The following PLEKHH2 variants were observed in gnomAD, a reference collection of about 807,000 sequenced individuals.
PLEKHH2 encodes pleckstrin homology domain-containing family H member 2.
A neutral mutation model predicts 187.9 loss-of-function variants in PLEKHH2; 129 were observed. That is an observed-to-expected ratio of 0.69 (90% CI 0.59 to 0.79). PLEKHH2 has a LOEUF of 0.79. PLEKHH2 is among the 30% of genes least tolerant of loss of function. PLEKHH2 has a pLI of 0.00. For missense variants in PLEKHH2, 2,076 were observed against 1,751.2 expected, an observed-to-expected ratio of 1.19 and a Z score of -3.31; for synonymous variants, 686 against 605.6, an observed-to-expected ratio of 1.13 and a Z score of -1.95.
intron 28 of PLEKHH2, 87 bp from the exon 29 acceptor site, chr2:43,764,141 T>C: frequency 1.2e-6 from 1 of 804,308 alleles, no homozygotes. Flanking sequence ...AATATCTGCC[T>C]TTTAATGGAG....
At chr2:43,750,297 C>A (rs1305630088) in intron 24 of PLEKHH2, among the ~76,000 whole-genome samples, 5 of 152,186 alleles carry the variant, frequency 3.3e-5, no homozygotes, top group Non-Finnish European at 7.3e-5. Flanking sequence ...CATGGTGAAA[C>A]CCCGTCTCTA....
intron 16 of PLEKHH2, among the ~76,000 whole-genome samples, chr2:43,723,623 G>T (rs111521842): frequency 3.9e-5 from 6 of 152,204 alleles, no homozygotes; most frequent in African/African-American, 1.4e-4. Flanking sequence ...GTTCCCTCCT[G>T]CCTTTGGGAA....
rs1669264290 is a variant in PLEKHH2, at chr2:43,699,805, G to C, written c.847G>C (p.Val283Leu). The part of the protein sequence containing the change: ...GGISQNSGAP[V>L]SDWSSDEEDG... Reference sequence around the variant, plus strand: ...CATCTCCCAGAATTCTGGGGCTCCTGTGAGTGACTGGAGCTCTGATGAGGA... The same window carrying C: ...CATCTCCCAGAATTCTGGGGCTCCTCTGAGTGACTGGAGCTCTGATGAGGA... Residue 283 changes from valine to leucine, a missense_variant, in exon 8 of 30, where the codon GTG (valine) becomes CTG (leucine). Physicochemically the swap from Val to Leu is conservative, Grantham distance 32. Transcript: ENST00000282406. The C allele has an allele frequency of 6.2e-7, 1 of 1,611,486 alleles. No homozygotes were observed. Among genetic ancestry groups the C allele is most frequent in the Non-Finnish European group, 8.5e-7 (1 of 1,177,766 alleles).
At chr2:43,680,825 G>A in intron 3 of PLEKHH2, 1 of 447,978 alleles carries the variant, frequency 2.2e-6, no homozygotes, top group Admixed American at 3.2e-5. Context: ...TTTCTTGATT[G>A]TATTTGCTTG....
At chr2:43,721,292 G>T (rs999936137) in intron 16 of PLEKHH2, among the ~76,000 whole-genome samples, 1 of 152,084 alleles carries the variant, frequency 6.6e-6, no homozygotes, top group South Asian at 2.1e-4. Context: ...CGCATGCCCA[G>T]TCATCATTAT....
chr2:43,715,377 G>C (rs941922525), intron 15 of PLEKHH2, among the ~76,000 whole-genome samples: 4 of 152,204 alleles, frequency 2.6e-5, no homozygotes, highest in Non-Finnish European at 5.9e-5. Context: ...ATGGTGGAAA[G>C]CTATTTTTGT....
chr2:43,682,582 G>A (rs1384259708), intron 3 of PLEKHH2, among the ~76,000 whole-genome samples: 1 of 152,156 alleles, frequency 6.6e-6, no homozygotes, highest in Admixed American at 6.5e-5. Flanking sequence ...TGGGATTACA[G>A]GCATGAGCCA....
intron 23 of PLEKHH2, among the ~76,000 whole-genome samples, chr2:43,745,462 C>G (rs1042919170): frequency 6.6e-6 from 1 of 152,176 alleles, no homozygotes; most frequent in African/African-American, 2.4e-5. Context: ...GGTCTAGACT[C>G]TTTCCATAAA....
intron 2 of PLEKHH2, chr2:43,675,784 G>A: frequency 6.2e-7 from 1 of 1,613,668 alleles, no homozygotes; most frequent in Non-Finnish European, 8.5e-7. Context: ...TCCTTCCACA[G>A]TCACGTATTC....
intron 8 of PLEKHH2, 137 bp downstream of exon 8, chr2:43,700,745 C>G (rs188092162): frequency 1.8e-6 from 2 of 1,139,196 alleles, no homozygotes; most frequent in Non-Finnish European, 2.5e-6. Context: ...CTCCATCTCC[C>G]GGGTTCAAGT....
intron 10 of PLEKHH2, among the ~76,000 whole-genome samples, chr2:43,706,819 G>A (rs528110407): frequency 6.7e-4 from 102 of 152,176 alleles, no homozygotes; most frequent in African/African-American, 2.3e-3. Context: ...ATATTTTCAG[G>A]CATCTTTTAT....
At chr2:43,717,373 G>C (rs1055596274) in intron 15 of PLEKHH2, among the ~76,000 whole-genome samples, 5 of 152,154 alleles carry the variant, frequency 3.3e-5, no homozygotes. Context: ...AGCCAAGATT[G>C]TGCCACTGTG....
intron 2 of PLEKHH2, among the ~76,000 whole-genome samples, chr2:43,655,931 C>T (rs544369330): frequency 1.3e-5 from 2 of 151,764 alleles, no homozygotes; most frequent in Admixed American, 6.6e-5. Context: ...ATTAATACTT[C>T]ATCATCTATT....
intron 1 of PLEKHH2, among the ~76,000 whole-genome samples, chr2:43,641,879 G>T (rs1223145850): frequency 1.3e-5 from 2 of 152,190 alleles, no homozygotes; most frequent in African/African-American, 4.8e-5. Flanking sequence ...GTGTAATCAA[G>T]CTACTGTATA....
chr2:43,674,062 G>A (rs1667611328), intron 2 of PLEKHH2, among the ~76,000 whole-genome samples: 1 of 152,140 alleles, frequency 6.6e-6, no homozygotes, highest in Non-Finnish European at 1.5e-5. Context: ...ATGACAGAGA[G>A]CTTTGTCATT....
chr2:43,696,456 C>T (rs1669094889), intron 6 of PLEKHH2, among the ~76,000 whole-genome samples: 1 of 149,562 alleles, frequency 6.7e-6, no homozygotes. Context: ...CCACTGTACT[C>T]CAGCCTGGGC....
At position 43,746,909 on chromosome 2, in the gene PLEKHH2, G is replaced by A. The variant is rs534270849; in HGVS notation, c.3653+946G>A. Among the ~76,000 whole-genome samples, 507 of 151,910 alleles carry A rather than the reference G, an allele frequency of 3.3e-3. 3 individuals are homozygous for A. The highest frequency in any genetic ancestry group is 0.012 in the African/African-American group (486 of 41,424). On this transcript the variant is annotated intron_variant, in intron 24 of 29. Coordinates refer to ENST00000282406, the MANE Select transcript of PLEKHH2 (RefSeq NM_172069.4). ...GGCATGAACCCGGGAGGCGGAGCTT[G>A]CAGTGAGCCAAGATCGCACCACTGC...
At chr2:43,676,542 G>A (rs1242405314) in intron 2 of PLEKHH2, among the ~76,000 whole-genome samples, 1 of 151,998 alleles carries the variant, frequency 6.6e-6, no homozygotes, top group Non-Finnish European at 1.5e-5. Context: ...TATACCAGGA[G>A]TTCTGCACGC....
At chr2:43,688,001 C>T (rs556308671) in intron 3 of PLEKHH2, among the ~76,000 whole-genome samples, 1 of 152,118 alleles carries the variant, frequency 6.6e-6, no homozygotes, top group Non-Finnish European at 1.5e-5. Context: ...CGTTCCCACT[C>T]TTTTGCCCAG....
Sources: gnomAD v4.1 joint callset for allele counts (sites outside exome capture counted in the v4.1 genomes callset) on GRCh38, gnomAD v4.1.1 for gene constraint, MANE v1.5 for transcripts, NCBI Gene and HGNC (gene_info 2026-07-23, HGNC 2026-07-21) for gene names.